The following VWA5B1 variants were observed in gnomAD, a reference collection of about 807,000 sequenced individuals.
VWA5B1 encodes von Willebrand factor A domain-containing protein 5B1.
Under a neutral mutation model 118.2 loss-of-function variants are expected in VWA5B1, and 115 were observed. The ratio of observed to expected loss-of-function variants is 0.97; its 90% CI spans 0.84 to 1.14. The LOEUF is 1.14. Ranked by LOEUF, VWA5B1 falls within the 50% of genes most tolerant of loss-of-function variation. The pLI is 0.00. For synonymous variants in VWA5B1, 682 were observed against 658.4 expected (o/e 1.04, Z -0.55); for missense variants, 1,596 against 1,603.8 (o/e 1.00, Z 0.08).
intron 1 of VWA5B1, among the ~76,000 whole-genome samples, chr1:20,299,976 C>G (rs563218191): frequency 1.3e-5 from 2 of 152,310 alleles, no homozygotes; most frequent in African/African-American, 2.4e-5. Flanking sequence ...GGCAGGTGCA[C>G]TAACTCAGCC....
chr1:20,337,212 C>A (rs993239035), intron 13 of VWA5B1, among the ~76,000 whole-genome samples: 1 of 152,150 alleles, frequency 6.6e-6, no homozygotes, highest in Non-Finnish European at 1.5e-5. Flanking sequence ...ACTGCAACCT[C>A]CACCTTCTGG....
chr1:20,354,346 T>G lies in VWA5B1; in HGVS notation c.*83T>G. On this transcript the variant is annotated 3_prime_UTR_variant, in exon 22 of 22. Transcript: ENST00000289815. Reference sequence around the variant, plus strand: ...CCATGTCGGCCTGGTTTCGGGGAGCTTTTGGAGCTGTAACTAATATTTCAG... The same window carrying G: ...CCATGTCGGCCTGGTTTCGGGGAGCGTTTGGAGCTGTAACTAATATTTCAG... 6.9e-7 allele frequency: 1 copy of G among 1,441,806 alleles called. No homozygotes were observed. The highest frequency in any genetic ancestry group is 9.2e-7 in the Non-Finnish European group (1 of 1,086,648). 89.3% of individuals were successfully genotyped at this position (1,441,806 alleles called of 1,614,324 possible). A position where few individuals can be genotyped will look rare whatever the true frequency, so the allele number is the denominator to read the frequency against.
At position 20,292,658 on chromosome 1, in the gene VWA5B1, C is replaced by T. The variant is rs148474576; in HGVS notation, c.-27+1570C>T. Among the ~76,000 whole-genome samples, 868 of 152,216 alleles carry T rather than the reference C, an allele frequency of 5.7e-3. 8 individuals carry two copies. Among genetic ancestry groups the T allele is most frequent in the Non-Finnish European group, 7.5e-3 (511 of 68,002 alleles). On this transcript the variant is annotated intron_variant, in intron 1 of 21. Coordinates refer to ENST00000289815, the MANE Select transcript of VWA5B1 (RefSeq NM_001039500.3). ...GCATGCGTGTGTGTGTGTGTGCACA[C>T]GTGTGCACATGCAGAGAATTGTGAG...
At position 20,357,977 on chromosome 1, in the gene VWA5B1, G is replaced by A. The variant is rs540024627; in HGVS notation, c.*3714G>A. On this transcript the variant is annotated 3_prime_UTR_variant, in exon 22 of 22. Coordinates refer to ENST00000289815, the MANE Select transcript of VWA5B1 (RefSeq NM_001039500.3). ...CCGAGGGCCCAACCTCCCACCACATGCAGATGCAGAACCCTGTCTCAGGCC... is the reference window on the plus strand; with the variant it reads ...CCGAGGGCCCAACCTCCCACCACATACAGATGCAGAACCCTGTCTCAGGCC... Among the ~76,000 whole-genome samples the A allele has an allele frequency of 1.3e-4, 20 of 152,244 alleles. No individual in the cohort carries two copies. The highest frequency in any genetic ancestry group is 4.1e-4 in the African/African-American group (17 of 41,536).
Position 20,355,731 on chromosome 1 carries a change from G to A in VWA5B1, c.*1468G>A, listed in dbSNP as rs2090217316. Among the ~76,000 whole-genome samples the A allele has an allele frequency of 6.6e-6, 1 of 152,256 alleles. No individual in the cohort carries two copies. The highest frequency in any genetic ancestry group is 2.4e-5 in the African/African-American group (1 of 41,474). On this transcript the variant is annotated 3_prime_UTR_variant, in exon 22 of 22. Transcript: ENST00000289815. The stretch of plus-strand genomic sequence containing the variant: ...AGCAGGGGCTGGAGTCAGGGAGGAG[G>A]CTCCAGCAGAACGCCCACTGGGCAC...
chr1:20,343,373 G>T lies in VWA5B1; in HGVS notation c.2606G>T (p.Arg869Leu), dbSNP rs545781178. The change falls in exon 16 of 22, where the codon CGC (arginine) becomes CTC (leucine). Residue 869 changes from arginine to leucine, a missense_variant. By Grantham distance (102) the Arg-to-Leu change is moderately radical. Coordinates refer to ENST00000289815, the MANE Select transcript of VWA5B1 (RefSeq NM_001039500.3). ...IIRDFEQLAE[R>L]EGEIEQGSNR... ...CGCGACTTCGAGCAGCTGGCGGAGCGCGAGGGCGAGATCGAGCAGGGTGAG... is the reference window on the plus strand; with the variant it reads ...CGCGACTTCGAGCAGCTGGCGGAGCTCGAGGGCGAGATCGAGCAGGGTGAG... The T allele has an allele frequency of 1.7e-5, 26 of 1,534,498 alleles. No homozygotes were observed. The highest frequency in any genetic ancestry group is 2.3e-5 in the Non-Finnish European group (26 of 1,142,800).
chr1:20,301,807 G>A (rs1314916871), intron 1 of VWA5B1, among the ~76,000 whole-genome samples: 1 of 152,196 alleles, frequency 6.6e-6, no homozygotes, highest in East Asian at 1.9e-4. Flanking sequence ...AAAGGTGGGT[G>A]TACACTGAAT....
At chr1:20,331,731 C>G (rs927159821) in intron 11 of VWA5B1, among the ~76,000 whole-genome samples, 10 of 151,850 alleles carry the variant, frequency 6.6e-5, no homozygotes, top group African/African-American at 2.4e-4. Flanking sequence ...CTTGGGGCTT[C>G]CAGGGAGAGA....
chr1:20,330,615 G>T (rs2089522506), intron 10 of VWA5B1, among the ~76,000 whole-genome samples: 1 of 152,242 alleles, frequency 6.6e-6, no homozygotes, highest in African/African-American at 2.4e-5. Flanking sequence ...AGAAGCCCAG[G>T]GAGAGGTCCC....
chr1:20,330,327 G>T lies in VWA5B1; in HGVS notation c.1402G>T (p.Val468Phe). Residue 468 changes from valine (V) to phenylalanine (F), a missense_variant, in exon 10 of 22, where the codon GTC becomes TTC. Physicochemically the swap from Val to Phe is conservative, Grantham distance 50. Transcript: ENST00000289815. Reference protein sequence around the residue: ...RLLFVITDGAVNNTGKVLELV... With the variant: ...RLLFVITDGAFNNTGKVLELV... The stretch of plus-strand genomic sequence containing the variant: ...CCTCTTCGTGATCACAGATGGCGCT[G>T]TCAACAACACAGGGAAGGTGCTGGA... 6.4e-7 allele frequency: 1 copy of T among 1,551,806 alleles called. No homozygotes were observed. The highest frequency in any genetic ancestry group is 1.2e-5 in the South Asian group (1 of 84,060).
intron 18 of VWA5B1, 21 bp from the exon 19 acceptor site, chr1:20,350,135 T>C (rs2090097330): frequency 6.5e-7 from 1 of 1,550,314 alleles, no homozygotes; most frequent in Admixed American, 2.0e-5. Context: ...AGGTCCAGCC[T>C]CACTGGCTCC....
In VWA5B1 at chr1:20,355,197, G is replaced by A. The variant is rs1182328445; in HGVS notation, c.*934G>A. Among the ~76,000 whole-genome samples, 1 of 152,188 alleles carries A rather than the reference G, an allele frequency of 6.6e-6. No homozygotes were observed. The highest frequency in any genetic ancestry group is 1.5e-5 in the Non-Finnish European group (1 of 68,030). ...AGTAGGTCGCACCATGGGATCAGGGGGTCCTCTGGAGCCATGCCACGCTGT... is the reference window on the plus strand; with the variant it reads ...AGTAGGTCGCACCATGGGATCAGGGAGTCCTCTGGAGCCATGCCACGCTGT... On this transcript the variant is annotated 3_prime_UTR_variant, in exon 22 of 22. Coordinates refer to ENST00000289815, the MANE Select transcript of VWA5B1 (RefSeq NM_001039500.3).
At position 20,354,922 on chromosome 1, in the gene VWA5B1, T is replaced by C. The variant is rs2090203291; in HGVS notation, c.*659T>C. ...GCTAGGAAGCTTCCTTAATACATACTAGTATTGCCTTGCAGATCATTAGTG... is the reference window on the plus strand; with the variant it reads ...GCTAGGAAGCTTCCTTAATACATACCAGTATTGCCTTGCAGATCATTAGTG... On this transcript the variant is annotated 3_prime_UTR_variant, in exon 22 of 22. Coordinates refer to ENST00000289815, the MANE Select transcript of VWA5B1 (RefSeq NM_001039500.3). 6.6e-6 allele frequency: 1 copy of C among 152,164 alleles called. No homozygotes were observed. Among genetic ancestry groups the C allele is most frequent in the Admixed American group, 6.5e-5 (1 of 15,282 alleles). 9.4% of individuals were successfully genotyped at this position (152,164 alleles called of 1,614,324 possible).
chr1:20,332,489 TA>T (rs1313580174), intron 11 of VWA5B1, among the ~76,000 whole-genome samples: 6 of 75,666 alleles, frequency 7.9e-5, no homozygotes, highest in African/African-American at 3.4e-4. Flanking sequence ...CAAAATAAAA[TA>T]AAATAAAATA....
At chr1:20,345,018 T>G (rs771316954) in intron 16 of VWA5B1, among the ~76,000 whole-genome samples, 2 of 152,204 alleles carry the variant, frequency 1.3e-5, no homozygotes, top group African/African-American at 2.4e-5. Flanking sequence ...CTCCTCTGAT[T>G]TGCAATGTCC....
At chr1:20,331,513 A>C (rs1353297494) in intron 11 of VWA5B1, among the ~76,000 whole-genome samples, 1 of 152,236 alleles carries the variant, frequency 6.6e-6, no homozygotes, top group Non-Finnish European at 1.5e-5. Context: ...AGGAGGAAGC[A>C]GGAAGAAAAA....
At chr1:20,342,365 C>G in intron 14 of VWA5B1, 67 bp from the exon 15 acceptor site, 3 of 1,499,952 alleles carry the variant, frequency 2.0e-6, no homozygotes, top group Non-Finnish European at 2.7e-6. Context: ...AGCTCTTCCT[C>G]CTCCTTCTCC....
intron 12 of VWA5B1, 110 bp downstream of exon 12, chr1:20,333,061 G>T: frequency 7.6e-7 from 1 of 1,324,392 alleles, no homozygotes; most frequent in African/African-American, 1.5e-5. Context: ...CTGGAAGTGG[G>T]TTTGCAGCTG....
At chr1:20,296,503 A>G (rs1375187338) in intron 1 of VWA5B1, among the ~76,000 whole-genome samples, 4 of 152,200 alleles carry the variant, frequency 2.6e-5, no homozygotes, top group African/African-American at 9.7e-5. Flanking sequence ...GAATATGCAC[A>G]ACAATGAGTT....
Sources: gnomAD v4.1 joint callset for allele counts (sites outside exome capture counted in the v4.1 genomes callset) on GRCh38, gnomAD v4.1.1 for gene constraint, MANE v1.5 for transcripts, NCBI Gene and HGNC (gene_info 2026-07-23, HGNC 2026-07-21) for gene names.